Variants in TRHDE observed in about 807,000 individuals in gnomAD.
The protein encoded by TRHDE is thyrotropin-releasing hormone-degrading ectoenzyme.
TRHDE carries 72 observed loss-of-function variants against 125.7 expected under a neutral mutation model. The observed-to-expected ratio is 0.57, with a 90% CI of 0.47 to 0.70. TRHDE has a LOEUF of 0.70. Among genes scored for constraint, TRHDE ranks in the 30% least tolerant of loss-of-function variants. TRHDE has a pLI of 0.00. For synonymous variants in TRHDE, 509 were observed against 509.1 expected (o/e 1.00, Z 0.00); for missense variants, 1,110 against 1,327.1 (o/e 0.84, Z 2.54).
chr12:72,403,837 C>T (rs1873148295), intron 3 of TRHDE, among the ~76,000 whole-genome samples: 3 of 152,052 alleles, frequency 2.0e-5, no homozygotes, highest in Admixed American at 1.3e-4. Context: ...CCAGCATTAC[C>T]AGGTCAGATT....
chr12:72,191,824 A>C (rs1269703711), intron 2 of TRHDE, among the ~76,000 whole-genome samples: 1 of 152,218 alleles, frequency 6.6e-6, no homozygotes, highest in East Asian at 1.9e-4. Flanking sequence ...GCCTTAATAT[A>C]ATACAAAAAT....
intron 2 of TRHDE, among the ~76,000 whole-genome samples, chr12:72,343,356 A>C (rs1366916899): frequency 6.6e-6 from 1 of 152,004 alleles, no homozygotes; most frequent in East Asian, 1.9e-4. Flanking sequence ...TTATATATGC[A>C]AATTTTGCAT....
rs143435905 is a variant in TRHDE at position 72,251,254 on chromosome 12, T to C, written n.280-126741T>C. Among the ~76,000 whole-genome samples, 8 of 152,148 alleles carry C rather than the reference T, an allele frequency of 5.3e-5. No homozygotes were observed. In the East Asian group the frequency reaches 1.2e-3, roughly 22 times the overall value. ...AAGATACAGAACAGTCCCATCACCA[T>C]AAGGGTCCCTTATGTTGCCCTTATA... On this transcript the variant is annotated intron_variant and non_coding_transcript_variant, in intron 2 of 4. Transcript: ENST00000548156.
rs552028563 is a variant in TRHDE at position 72,305,507 on chromosome 12, A to G, written c.1188+18553A>G. ...TAATGGTAACTATGAATCCAGGAGG[A>G]TTTTGGCTACAAGAATCGTTTGCCT... On this transcript the variant is annotated intron_variant, in intron 2 of 18. Coordinates refer to ENST00000261180, the MANE Select transcript of TRHDE (RefSeq NM_013381.3). Among the ~76,000 whole-genome samples, 3 of 152,256 alleles carry G rather than the reference A, an allele frequency of 2.0e-5. No homozygotes were observed. The East Asian group carries it at 5.8e-4, about 29-fold the overall frequency.
intron 6 of TRHDE, among the ~76,000 whole-genome samples, chr12:72,522,465 C>G (rs149516869): frequency 9.1e-4 from 138 of 152,330 alleles, no homozygotes; most frequent in African/African-American, 3.2e-3. Flanking sequence ...TAATCCTGCT[C>G]TCCAAGCCCA....
At chr12:72,304,080 A>C (rs972426632) in intron 2 of TRHDE, among the ~76,000 whole-genome samples, 6 of 152,198 alleles carry the variant, frequency 3.9e-5, no homozygotes, top group Admixed American at 2.0e-4. Context: ...CGTGGATGTT[A>C]GGGCTAAAAT....
At chr12:72,087,846 G>A (rs538515916) in intron 1 of TRHDE, among the ~76,000 whole-genome samples, 28 of 152,228 alleles carry the variant, frequency 1.8e-4, no homozygotes, top group Admixed American at 1.2e-3. Flanking sequence ...AATCTGGGCC[G>A]TTGTGTGATT....
intron 2 of TRHDE, among the ~76,000 whole-genome samples, chr12:72,377,746 T>G (rs943896918): frequency 7.9e-5 from 12 of 152,146 alleles, no homozygotes; most frequent in African/African-American, 2.9e-4. Context: ...TGATGCAAGG[T>G]GTATAAATCT....
At chr12:72,158,558 G>T (rs117788852) in intron 2 of TRHDE, among the ~76,000 whole-genome samples, 1 of 151,646 alleles carries the variant, frequency 6.6e-6, no homozygotes, top group African/African-American at 2.4e-5. Context: ...CTTTTCATTT[G>T]GGTTGCCATT....
At chr12:72,168,466 C>T (rs923921412) in intron 2 of TRHDE, among the ~76,000 whole-genome samples, 4 of 152,174 alleles carry the variant, frequency 2.6e-5, no homozygotes, top group African/African-American at 9.7e-5. Context: ...AAAGCTTTCT[C>T]ATTTAGAATG....
At chr12:72,519,128 A>G (rs1879041907) in intron 6 of TRHDE, among the ~76,000 whole-genome samples, 1 of 151,818 alleles carries the variant, frequency 6.6e-6, no homozygotes, top group Non-Finnish European at 1.5e-5. Flanking sequence ...TGTGTCTTGG[A>G]GTTGCTCTTC....
At chr12:72,096,273 T>C (rs1437363530) in intron 1 of TRHDE, among the ~76,000 whole-genome samples, 3 of 152,156 alleles carry the variant, frequency 2.0e-5, no homozygotes, top group Admixed American at 6.5e-5. Flanking sequence ...GCCCAGAACA[T>C]CTTGTCTGAT....
intron 3 of TRHDE, among the ~76,000 whole-genome samples, chr12:72,386,015 T>A (rs1280284517): frequency 6.6e-6 from 1 of 152,212 alleles, no homozygotes; most frequent in South Asian, 2.1e-4. Flanking sequence ...TCAGCAATGA[T>A]AGTAAGTGGC....
At chr12:72,300,576 G>A (rs890409601) in intron 2 of TRHDE, among the ~76,000 whole-genome samples, 4 of 151,434 alleles carry the variant, frequency 2.6e-5, no homozygotes, top group African/African-American at 4.9e-5. Context: ...GTGTGTGCAC[G>A]TGCATGTGTA....
intron 2 of TRHDE, among the ~76,000 whole-genome samples, chr12:72,377,057 G>C (rs1592401017): frequency 6.6e-6 from 1 of 152,012 alleles, no homozygotes; most frequent in Non-Finnish European, 1.5e-5. Context: ...CACCCACCTT[G>C]GTTAGTGGCA....
chr12:72,569,774 T>G (rs558976421), intron 10 of TRHDE, among the ~76,000 whole-genome samples: 1 of 152,366 alleles, frequency 6.6e-6, no homozygotes, highest in South Asian at 2.1e-4. Context: ...AATGTAGCAA[T>G]GCATTGAAAT....
In TRHDE at chr12:72,096,397, T is replaced by C. The variant is rs148573464; in HGVS notation, n.174+8958T>C. Among the ~76,000 whole-genome samples, 1,046 of 152,324 alleles carry C rather than the reference T, an allele frequency of 6.9e-3. 12 individuals carry two copies. Among genetic ancestry groups the C allele is most frequent in the African/African-American group, 0.024 (982 of 41,568 alleles). ...AAATCTTTAACAATTATGTCAAGTTTGGGCAATTAGATTGTTTCTTCCTCA... is the reference window on the plus strand; with the variant it reads ...AAATCTTTAACAATTATGTCAAGTTCGGGCAATTAGATTGTTTCTTCCTCA... On this transcript the variant is annotated intron_variant and non_coding_transcript_variant, in intron 1 of 4. Coordinates refer to the TRHDE transcript ENST00000548156.
intron 6 of TRHDE, among the ~76,000 whole-genome samples, chr12:72,508,910 C>T (rs1878468034): frequency 1.3e-5 from 2 of 152,064 alleles, no homozygotes; most frequent in Non-Finnish European, 2.9e-5. Context: ...CTTCCTTCTG[C>T]TCCAGCCATG....
chr12:72,104,750 T>C (rs889134137), intron 1 of TRHDE, among the ~76,000 whole-genome samples: 4 of 152,194 alleles, frequency 2.6e-5, no homozygotes, highest in African/African-American at 9.6e-5. Flanking sequence ...CATGCCACAC[T>C]ATTAACAGTT....
Sources: gnomAD v4.1 joint callset for allele counts (sites outside exome capture counted in the v4.1 genomes callset) on GRCh38, gnomAD v4.1.1 for gene constraint, MANE v1.5 for transcripts, NCBI Gene and HGNC (gene_info 2026-07-23, HGNC 2026-07-21) for gene names.